LSP1: variants seen among roughly 807,000 people sequenced by gnomAD.
The protein encoded by LSP1 is lymphocyte specific protein 1.
In LSP1, 32 loss-of-function variants were observed where a neutral mutation model predicts 49.3. The observed-to-expected ratio is 0.65, with a 90% confidence interval of 0.49 to 0.87. LSP1 has a LOEUF of 0.87. Ranked by LOEUF, LSP1 falls within the 40% of genes least tolerant of loss-of-function variation. The pLI is 0.00. For synonymous variants in LSP1, 179 were observed against 178.8 expected, an observed-to-expected ratio of 1.00 and a Z score of -0.01; for missense variants, 428 against 442.6, an observed-to-expected ratio of 0.97 and a Z score of 0.30.
chr11:1,890,816 G>A (rs1415627630), intron 10 of LSP1: 1 of 576,468 alleles, frequency 1.7e-6, no homozygotes. Flanking sequence ...AGGCCACAGA[G>A]GCCGAGTCCC....
intron 10 of LSP1, chr11:1,890,901 A>G (rs1410052386): frequency 1.1e-5 from 4 of 355,750 alleles, no homozygotes; most frequent in Non-Finnish European, 1.6e-5. Context: ...GGCCCCAAGT[A>G]CACAGCCTGG....
intron 1 of LSP1, among the ~76,000 whole-genome samples, chr11:1,855,285 G>GCCCCCACACGGGAGT (rs1199954964): frequency 1.3e-5 from 2 of 152,214 alleles, no homozygotes; most frequent in African/African-American, 4.8e-5. Context: ...GGCCTGGGAA[G>GCCCCCACACGGGAGT]CCCCCACACG....
Position 1,868,882 on chromosome 11 carries a change from C to T in LSP1, c.54-11205C>T, listed in dbSNP as rs191073480. The T allele has an allele frequency of 2.5e-5, 25 of 985,878 alleles. No individual in the cohort carries two copies. The Admixed American group carries it at 3.1e-4, about 12-fold the overall frequency. 61.1% of individuals were successfully genotyped at this position (985,878 alleles called of 1,614,324 possible). On this transcript the variant is annotated intron_variant, in intron 1 of 10. Coordinates refer to ENST00000311604, the MANE Select transcript of LSP1 (RefSeq NM_002339.3). Reference sequence around the variant, plus strand: ...CGGCAGCCAGGGTGCCCTGGGCACTCGACCCCCAGATGCCCCTGCTGGAAC... The same window carrying T: ...CGGCAGCCAGGGTGCCCTGGGCACTTGACCCCCAGATGCCCCTGCTGGAAC...
intron 1 of LSP1, among the ~76,000 whole-genome samples, chr11:1,856,460 G>A (rs1358297193): frequency 1.3e-5 from 2 of 152,212 alleles, no homozygotes; most frequent in African/African-American, 2.4e-5. Context: ...TGCCCAGCCC[G>A]CGGTGGGAGG....
At chr11:1,860,387 G>A (rs1044136639) in intron 1 of LSP1, among the ~76,000 whole-genome samples, 10 of 152,034 alleles carry the variant, frequency 6.6e-5, no homozygotes, top group Admixed American at 5.9e-4. Flanking sequence ...GCAGATGGAT[G>A]GGGTGGATGA....
At position 1,884,057 on chromosome 11, in the gene LSP1, C is replaced by T. The variant is rs1385784375; in HGVS notation, c.591+33C>T. 2 of 1,587,152 alleles carry T rather than the reference C, an allele frequency of 1.3e-6. No individual in the cohort carries two copies. The highest frequency in any genetic ancestry group is 1.7e-6 in the Non-Finnish European group (2 of 1,164,288). On this transcript the variant is annotated intron_variant, in intron 5 of 10. Transcript: ENST00000311604. This position sits in a 1 kb window ranked among gnomAD's most constrained non-coding sequence, Gnocchi z 4.1. The stretch of plus-strand genomic sequence containing the variant: ...AAGCTGCAAAGCCTGCCATCTTCTC[C>T]CCTCTCCCGTACTCATACCCAAAAG...
At chr11:1,875,575 G>A (rs1235262092) in intron 1 of LSP1, among the ~76,000 whole-genome samples, 3 of 152,202 alleles carry the variant, frequency 2.0e-5, no homozygotes, top group African/African-American at 4.8e-5. Flanking sequence ...CTCATCACTC[G>A]GCCTCCCCAG....
In LSP1 at chr11:1,882,091, C is replaced by T. The variant is rs139682825; in HGVS notation, c.356+495C>T. ...TTTCCAGATGTGCATGCCGGAGAGT[C>T]GGCCGGGAGGACGCACTTTCCAGAT... On this transcript the variant is annotated intron_variant, in intron 3 of 10. Transcript: ENST00000311604. Among the ~76,000 whole-genome samples, 65 of 152,312 alleles carry T rather than the reference C, an allele frequency of 4.3e-4. 3 individuals carry two copies. The East Asian group carries it at 0.012, about 29-fold the overall frequency.
chr11:1,868,743 A>C, intron 1 of LSP1: 1 of 985,892 alleles, frequency 1.0e-6, no homozygotes, highest in Non-Finnish European at 1.2e-6. Context: ...GCAGGGGTGC[A>C]GGGACCGAGT....
At chr11:1,889,909 C>T in intron 10 of LSP1, 1 of 626,558 alleles carries the variant, frequency 1.6e-6, no homozygotes, top group East Asian at 2.7e-5. Flanking sequence ...CGGATGTGAG[C>T]CACTGGGACC....
chr11:1,862,022 GATGGATGGATGA>G (rs377172549), intron 1 of LSP1, among the ~76,000 whole-genome samples: 22 of 151,946 alleles, frequency 1.4e-4, no homozygotes, highest in African/African-American at 2.4e-4. Context: ...TGAGTGGATG[GATGGATGGATGA>G]ATGGATGGAT....
chr11:1,859,047 G>C lies in LSP1; in HGVS notation c.53+5850G>C, dbSNP rs767149283. Among the ~76,000 whole-genome samples the C allele has an allele frequency of 1.1e-4, 16 of 152,302 alleles. No individual in the cohort carries two copies. The East Asian group carries it at 3.1e-3, about 29-fold the overall frequency. Reference sequence around the variant, plus strand: ...GGCCTCTGAGTCCCCTGTATCCCCCGGCAGGAGGAGGCAGGCACATGGGCC... The same window carrying C: ...GGCCTCTGAGTCCCCTGTATCCCCCCGCAGGAGGAGGCAGGCACATGGGCC... On this transcript the variant is annotated intron_variant, in intron 1 of 10. Transcript: ENST00000311604.
intron 1 of LSP1, chr11:1,866,800 C>T (rs1847805732): frequency 2.6e-6 from 4 of 1,550,236 alleles, no homozygotes; most frequent in Non-Finnish European, 1.7e-6. Flanking sequence ...AAGTGCAGCC[C>T]CCGGAGGAGG....
At chr11:1,890,002 C>G (rs1565091478) in intron 10 of LSP1, 1 of 661,174 alleles carries the variant, frequency 1.5e-6, no homozygotes, top group Admixed American at 2.3e-5. Context: ...CTGGGAGGCT[C>G]AGGGGTCCCA....
intron 1 of LSP1, chr11:1,870,260 A>G (rs909329753): frequency 2.3e-6 from 3 of 1,303,500 alleles, no homozygotes; most frequent in East Asian, 1.1e-4. Flanking sequence ...CATTTTGCAA[A>G]CAGGAAAGCT....
intron 9 of LSP1, 67 bp downstream of exon 9, chr11:1,887,381 C>G (rs568712618): frequency 6.3e-6 from 10 of 1,580,332 alleles, no homozygotes; most frequent in Admixed American, 1.7e-5. Context: ...AGGGACTGTC[C>G]TCTGTGCATC....
At chr11:1,879,212 G>A (rs1158674300) in intron 1 of LSP1, among the ~76,000 whole-genome samples, 2 of 152,154 alleles carry the variant, frequency 1.3e-5, no homozygotes, top group Non-Finnish European at 2.9e-5. Flanking sequence ...GGGTATGGTG[G>A]TGCATGCCTG....
chr11:1,876,119 C>T (rs976153229), intron 1 of LSP1, among the ~76,000 whole-genome samples: 2 of 152,240 alleles, frequency 1.3e-5, no homozygotes, highest in Non-Finnish European at 2.9e-5. Flanking sequence ...GTATCATGAA[C>T]GCTGTGGTGG....
intron 1 of LSP1, among the ~76,000 whole-genome samples, chr11:1,879,144 G>C (rs939963981): frequency 1.3e-5 from 2 of 152,066 alleles, no homozygotes; most frequent in African/African-American, 4.8e-5. Flanking sequence ...CGGGAGTTCA[G>C]GACCAGCCTG....
Sources: gnomAD v4.1 joint callset for allele counts (sites outside exome capture counted in the v4.1 genomes callset) on GRCh38, gnomAD v4.1.1 for gene constraint, Gnocchi (gnomAD v3.1) non-coding constraint, MANE v1.5 for transcripts, NCBI Gene and HGNC (gene_info 2026-07-23, HGNC 2026-07-21) for gene names.